USP40: variants seen among roughly 807,000 people sequenced by gnomAD.
USP40 encodes the protein ubiquitin specific peptidase 40.
Under a neutral mutation model 166.2 loss-of-function variants are expected in USP40, and 143 were observed. The ratio of observed to expected loss-of-function variants is 0.86; its 90% CI spans 0.75 to 0.99. The LOEUF (loss-of-function observed/expected upper bound fraction) is 0.99, where lower values mean the gene tolerates loss of function less well. USP40 is among the 50% of genes least tolerant of loss of function. The pLI is 0.00. For missense variants in USP40, 1,444 were observed against 1,479.7 expected (o/e 0.98, Z 0.40); for synonymous variants, 498 against 524.0 (o/e 0.95, Z 0.68).
chr2:233,477,753 A>G (rs1443086442), intron 31 of USP40, among the ~76,000 whole-genome samples: 2 of 152,230 alleles, frequency 1.3e-5, no homozygotes, highest in Non-Finnish European at 2.9e-5. Context: ...GGCTTTCTCA[A>G]TCTGCTCAGT....
At position 233,493,238 on chromosome 2, in the gene USP40, A is replaced by G. The variant is rs1185301523; in HGVS notation, c.2917+187T>C. 1 of 737,050 alleles carries G rather than the reference A, an allele frequency of 1.4e-6. No individual in the cohort carries two copies. Among genetic ancestry groups the G allele is most frequent in the African/African-American group, 1.8e-5 (1 of 56,382 alleles). 45.7% of individuals were successfully genotyped at this position (737,050 alleles called of 1,614,324 possible). A position where few individuals can be genotyped will look rare whatever the true frequency, so the allele number is the denominator to read the frequency against. ...ATATAGTGCTTTACAGAGGTTACAGAGCACGTACAGAAATGGCACAGTGTT... is the reference window on the plus strand; with the variant it reads ...ATATAGTGCTTTACAGAGGTTACAGGGCACGTACAGAAATGGCACAGTGTT... On this transcript the variant is annotated intron_variant, in intron 25 of 31. Coordinates refer to ENST00000678225, the MANE Select transcript of USP40 (RefSeq NM_001365479.2). This position sits in a 1 kb window ranked among gnomAD's most constrained non-coding sequence, Gnocchi z 4.7.
Position 233,491,287 on chromosome 2 carries a change from T to G in USP40, c.2918-26A>C. 2.0e-6 allele frequency: 3 copies of G among 1,524,942 alleles called. No individual in the cohort carries two copies. In the East Asian group the frequency reaches 6.8e-5, roughly 35 times the overall value. The allele number at this position is 1,524,942 out of a possible 1,614,324, so 94.5% of individuals were successfully genotyped here. The stretch of plus-strand genomic sequence containing the variant: ...CTTCCAAAGGACAGAGCGGGATGTT[T>G]ACAAGGAACTTGAAACTTATTTTGT... On this transcript the variant is annotated intron_variant, in intron 25 of 31. Coordinates refer to ENST00000678225, the MANE Select transcript of USP40 (RefSeq NM_001365479.2).
chr2:233,552,491 A>G (rs1259473874), intron 6 of USP40, among the ~76,000 whole-genome samples: 1 of 152,218 alleles, frequency 6.6e-6, no homozygotes, highest in Admixed American at 6.5e-5. Context: ...AATGTGATAA[A>G]AGGTATATTT....
intron 18 of USP40, among the ~76,000 whole-genome samples, chr2:233,518,015 G>A (rs970485189): frequency 6.6e-6 from 1 of 151,296 alleles, no homozygotes; most frequent in Non-Finnish European, 1.5e-5. Flanking sequence ...AGTGGACTTT[G>A]GGGACTTGGG....
chr2:233,525,097 T>C (rs1232397548), intron 14 of USP40, among the ~76,000 whole-genome samples: 1 of 152,242 alleles, frequency 6.6e-6, no homozygotes, highest in Non-Finnish European at 1.5e-5. Flanking sequence ...TTTCTTGTTT[T>C]ACTACAAAAT....
chr2:233,540,513 A>T (rs1041321912), intron 10 of USP40, 149 bp downstream of exon 10: 3 of 516,870 alleles, frequency 5.8e-6, no homozygotes, highest in Non-Finnish European at 1.0e-5. Context: ...ATACTTAATA[A>T]GTAACTTAGT....
intron 28 of USP40, chr2:233,487,653 T>C (rs2065025578): frequency 4.9e-6 from 1 of 205,544 alleles, no homozygotes; most frequent in Admixed American, 5.4e-5. Flanking sequence ...GTAAAATATT[T>C]TCCTACAGCG....
At chr2:233,558,001 CAAAAAAAAAAA>C (rs71058563) in intron 4 of USP40, among the ~76,000 whole-genome samples, 3 of 51,358 alleles carry the variant, frequency 5.8e-5, no homozygotes, top group African/African-American at 2.5e-4. Context: ...GACCTCATCT[CAAAAAAAAAAA>C]AAAAAAAAAA....
At chr2:233,540,815 A>AC (rs749922721) in intron 9 of USP40, 46 bp from the exon 10 acceptor site, 26 of 1,452,944 alleles carry the variant, frequency 1.8e-5, no homozygotes, top group Middle Eastern at 1.8e-4. Flanking sequence ...ATGAGAAATA[A>AC]TTGCATACTT....
chr2:233,559,808 T>C lies in USP40; in HGVS notation c.381+3A>G, dbSNP rs1474856402. 9.4e-6 allele frequency: 15 copies of C among 1,597,568 alleles called. No homozygotes were observed. In the Admixed American group the frequency reaches 2.1e-4, roughly 22 times the overall value. On this transcript the variant is annotated splice_donor_region_variant and intron_variant, in intron 4 of 31. Transcript: ENST00000678225. ...CTCTTCCTTAAAGAGCTGATCCTCGTACCTCATTACTGGTCCACCCAAAGC... is the reference window on the plus strand; with the variant it reads ...CTCTTCCTTAAAGAGCTGATCCTCGCACCTCATTACTGGTCCACCCAAAGC...
chr2:233,506,134 T>A (rs1244717936), intron 21 of USP40, among the ~76,000 whole-genome samples: 1 of 152,132 alleles, frequency 6.6e-6, no homozygotes, highest in Non-Finnish European at 1.5e-5. Flanking sequence ...AGCAGGGTAC[T>A]GGCAAAAAGT....
intron 18 of USP40, among the ~76,000 whole-genome samples, chr2:233,517,941 A>G (rs2067352339): frequency 6.7e-6 from 1 of 149,984 alleles, no homozygotes; most frequent in African/African-American, 2.5e-5. Flanking sequence ...AAAACCAAAC[A>G]CCGTATGTTC....
chr2:233,530,700 C>T (rs936084167), intron 11 of USP40, among the ~76,000 whole-genome samples: 2 of 152,140 alleles, frequency 1.3e-5, no homozygotes, highest in African/African-American at 4.8e-5. Context: ...TTTTTGATTA[C>T]AGGTTAAATT....
intron 21 of USP40, among the ~76,000 whole-genome samples, chr2:233,509,836 T>C (rs990691420): frequency 6.1e-5 from 7 of 114,258 alleles, no homozygotes; most frequent in African/African-American, 1.1e-4. Flanking sequence ...GTTGAGACTC[T>C]CTAAAAAAAA....
At chr2:233,552,815 A>C (rs2070699310) in intron 6 of USP40, among the ~76,000 whole-genome samples, 1 of 152,232 alleles carries the variant, frequency 6.6e-6, no homozygotes, top group Non-Finnish European at 1.5e-5. Flanking sequence ...ATTGTGTATT[A>C]TCTAAATCAA....
rs763598399 is a variant in USP40 at position 233,549,089 on chromosome 2, T to C, written c.966+12A>G. ...ATTGCAAAGATATTTCTAAACGAAT[T>C]TCTATACGTACTTGAAACTGCCAGT... is the stretch of plus-strand genomic sequence containing the variant. On this transcript the variant is annotated intron_variant, in intron 8 of 31. Coordinates refer to ENST00000678225, the MANE Select transcript of USP40 (RefSeq NM_001365479.2). 1.9e-6 allele frequency: 3 copies of C among 1,583,116 alleles called. No homozygotes were observed. In the South Asian group the frequency reaches 3.6e-5, roughly 19 times the overall value.
Position 233,523,452 on chromosome 2 carries a change from T to C in USP40, c.1919A>G (p.Glu640Gly). 6.2e-7 allele frequency: 1 copy of C among 1,613,914 alleles called. No individual in the cohort carries two copies. The change falls in exon 16 of 32, where the codon GAA (glutamate) becomes GGA (glycine). Residue 640 changes from glutamate (E) to glycine (G), a missense_variant. By Grantham distance (98) the Glu-to-Gly change is moderately conservative (BLOSUM62 -2). Coordinates refer to ENST00000678225, the MANE Select transcript of USP40 (RefSeq NM_001365479.2). Reference protein sequence around the residue: ...GVHIQTGIDCEPLLLNVLHLD... With the variant: ...GVHIQTGIDCGPLLLNVLHLD... ...ATGAAGAACATTTAAAAGTAGAGGT[T>C]CGCAGTCAATACCAGTTTGAATGTG...
intron 30 of USP40, 134 bp from the exon 31 acceptor site, chr2:233,481,431 G>T: frequency 1.3e-6 from 1 of 761,104 alleles, no homozygotes; most frequent in South Asian, 2.0e-5. Flanking sequence ...GTGAATAACT[G>T]ATTAAAAAAA....
chr2:233,522,994 G>T (rs2067760462), intron 16 of USP40, among the ~76,000 whole-genome samples, 176 bp downstream of exon 16: 1 of 152,050 alleles, frequency 6.6e-6, no homozygotes, highest in Admixed American at 6.5e-5. Flanking sequence ...AAAAAATCAT[G>T]TTTTTCTCTA....
Sources: allele counts gnomAD v4.1 joint callset (sites outside exome capture counted in the v4.1 genomes callset), GRCh38; gene constraint gnomAD v4.1.1; non-coding constraint Gnocchi (gnomAD v3.1); transcripts MANE v1.5; gene names NCBI Gene and HGNC (gene_info 2026-07-23, HGNC 2026-07-21).